The following KIRREL1 variants were observed in gnomAD, a reference collection of about 807,000 sequenced individuals.
KIRREL1 encodes kirre like nephrin family adhesion molecule 1.
KIRREL1 carries 25 observed loss-of-function variants against 83.3 expected under a neutral mutation model. The observed-to-expected ratio is 0.30, with a 90% CI of 0.22 to 0.42. The LOEUF (loss-of-function observed/expected upper bound fraction) is 0.42. Among genes scored for constraint, KIRREL1 ranks in the 10% least tolerant of loss-of-function variants. The probability of loss-of-function intolerance (pLI) is 1.00; values close to 1 mark genes in which losing one functional copy is unlikely to be tolerated. For missense variants in KIRREL1, 812 were observed against 1,032.3 expected (o/e 0.79, Z 2.92); for synonymous variants, 388 against 410.4 (o/e 0.95, Z 0.66).
intron 11 of KIRREL1, 30 bp downstream of exon 11, chr1:158,091,586 G>A: frequency 2.5e-6 from 4 of 1,604,924 alleles, no homozygotes; most frequent in Non-Finnish European, 3.4e-6. Flanking sequence ...GCCAGCTGGG[G>A]TGCAGAGCAG....
intron 1 of KIRREL1, among the ~76,000 whole-genome samples, chr1:158,010,003 G>T (rs1304245562): frequency 6.6e-6 from 1 of 152,132 alleles, no homozygotes; most frequent in Non-Finnish European, 1.5e-5. Context: ...GCCTCTACTG[G>T]AGAGACCTTA....
At chr1:158,003,413 C>T (rs1036124397) in intron 1 of KIRREL1, among the ~76,000 whole-genome samples, 1 of 152,164 alleles carries the variant, frequency 6.6e-6, no homozygotes, top group African/African-American at 2.4e-5. Flanking sequence ...CAGTGGGACT[C>T]CTGGGTTTTA....
At chr1:158,080,494 C>T (rs1203120599) in intron 3 of KIRREL1, among the ~76,000 whole-genome samples, 1 of 152,168 alleles carries the variant, frequency 6.6e-6, no homozygotes, top group Non-Finnish European at 1.5e-5. Context: ...TGGCTTGTTT[C>T]GAGGGCATGG....
chr1:158,037,000 C>A (rs966643542), intron 1 of KIRREL1, among the ~76,000 whole-genome samples: 2 of 152,188 alleles, frequency 1.3e-5, no homozygotes, highest in African/African-American at 4.8e-5. Flanking sequence ...ATGGGACAGT[C>A]TCAGCTGGGC....
At chr1:158,025,128 G>A (rs1390480313) in intron 1 of KIRREL1, among the ~76,000 whole-genome samples, 2 of 152,178 alleles carry the variant, frequency 1.3e-5, no homozygotes, top group Non-Finnish European at 2.9e-5. Context: ...ACTAATGCGT[G>A]GATTGAATGC....
chr1:158,009,666 G>A (rs1659614926), intron 1 of KIRREL1, among the ~76,000 whole-genome samples: 1 of 152,208 alleles, frequency 6.6e-6, no homozygotes, highest in Non-Finnish European at 1.5e-5. Context: ...ATGGCAGCCT[G>A]TTCTGGTATA....
intron 3 of KIRREL1, among the ~76,000 whole-genome samples, chr1:158,079,004 C>G (rs1006908563): frequency 1.3e-5 from 2 of 152,062 alleles, no homozygotes; most frequent in Non-Finnish European, 2.9e-5. Flanking sequence ...CTCACTCTTG[C>G]AATACCTCTG....
intron 1 of KIRREL1, among the ~76,000 whole-genome samples, chr1:158,034,461 A>G (rs981624612): frequency 1.3e-5 from 2 of 152,098 alleles, no homozygotes; most frequent in Non-Finnish European, 2.9e-5. Context: ...CCAAAATGGA[A>G]GGGTGTTGTT....
intron 1 of KIRREL1, among the ~76,000 whole-genome samples, chr1:158,071,863 T>C (rs1484711046): frequency 6.6e-6 from 1 of 152,054 alleles, no homozygotes; most frequent in Non-Finnish European, 1.5e-5. Context: ...GCTAGGCCAC[T>C]TGTCCTGGGT....
intron 1 of KIRREL1, among the ~76,000 whole-genome samples, chr1:158,068,228 A>C (rs527964582): frequency 5.0e-4 from 76 of 152,156 alleles, no homozygotes; most frequent in Non-Finnish European, 9.7e-4. Context: ...TAGTCCTTAA[A>C]TGTTTAGAAA....
intron 1 of KIRREL1, among the ~76,000 whole-genome samples, chr1:157,999,836 A>T (rs1394270325): frequency 6.6e-6 from 1 of 152,176 alleles, no homozygotes; most frequent in African/African-American, 2.4e-5. Context: ...ATCAGGAAAA[A>T]TAATGGGCTC....
intron 1 of KIRREL1, among the ~76,000 whole-genome samples, chr1:158,005,398 C>A (rs1417755540): frequency 1.3e-5 from 2 of 152,064 alleles, no homozygotes; most frequent in Non-Finnish European, 2.9e-5. Flanking sequence ...ATTGTCTTAT[C>A]TAAGCCCCTC....
Position 158,076,104 on chromosome 1 carries a change from GC to G in KIRREL1, c.53-8del. The G allele has an allele frequency of 6.2e-7, 1 of 1,613,056 alleles. No homozygotes were observed. The highest frequency in any genetic ancestry group is 2.2e-5 in the East Asian group (1 of 44,852). ...CTCATCTTACCCAGTGCTGGCTTTGGCTTTGCAGGGACCCAGACCCGCTTCA... is the reference window on the plus strand; with the variant it reads ...CTCATCTTACCCAGTGCTGGCTTTGGTTTGCAGGGACCCAGACCCGCTTCA... On this transcript the variant is annotated splice_region_variant and splice_polypyrimidine_tract_variant and intron_variant, in intron 1 of 14. Coordinates refer to ENST00000359209, the MANE Select transcript of KIRREL1 (RefSeq NM_018240.7).
chr1:158,067,120 T>C (rs1661376989), intron 1 of KIRREL1, among the ~76,000 whole-genome samples: 1 of 152,170 alleles, frequency 6.6e-6, no homozygotes, highest in African/African-American at 2.4e-5. Flanking sequence ...TGGGAGTGTT[T>C]CCAGCATCAC....
chr1:157,994,645 C>T (rs1037491597), intron 1 of KIRREL1, among the ~76,000 whole-genome samples: 1 of 151,882 alleles, frequency 6.6e-6, no homozygotes, highest in African/African-American at 2.4e-5. Flanking sequence ...TTGGTTCTTG[C>T]CTCCCAGGTC....
intron 1 of KIRREL1, among the ~76,000 whole-genome samples, chr1:158,008,562 C>T (rs1659585024): frequency 6.6e-6 from 1 of 152,112 alleles, no homozygotes; most frequent in Admixed American, 6.5e-5. Flanking sequence ...ACCATCACAA[C>T]AGGACCTGGA....
At chr1:158,031,904 T>G (rs927331267) in intron 1 of KIRREL1, among the ~76,000 whole-genome samples, 1 of 151,592 alleles carries the variant, frequency 6.6e-6, no homozygotes, top group Admixed American at 6.6e-5. Flanking sequence ...GGCAACAGGG[T>G]TAGAAACCAT....
intron 1 of KIRREL1, among the ~76,000 whole-genome samples, chr1:158,037,572 A>G (rs923319961): frequency 2.6e-5 from 4 of 151,704 alleles, no homozygotes; most frequent in Admixed American, 6.6e-5. Context: ...ATCAATGTCT[A>G]TAAAATGGTT....
intron 1 of KIRREL1, among the ~76,000 whole-genome samples, chr1:158,011,380 G>A (rs56262318): frequency 6.6e-6 from 1 of 152,148 alleles, no homozygotes; most frequent in African/African-American, 2.4e-5. Flanking sequence ...AAGCCCCAAG[G>A]CCTCTTCCTC....
Sources: gnomAD v4.1 joint callset for allele counts (sites outside exome capture counted in the v4.1 genomes callset) on GRCh38, gnomAD v4.1.1 for gene constraint, MANE v1.5 for transcripts, NCBI Gene and HGNC (gene_info 2026-07-23, HGNC 2026-07-21) for gene names.